Variants in FAM216B observed in about 807,000 individuals in gnomAD.
FAM216B encodes the protein protein FAM216B.
FAM216B carries 11 observed loss-of-function variants against 12.9 expected under a neutral mutation model. The ratio of observed to expected loss-of-function variants is 0.86; its 90% CI spans 0.54 to 1.42. FAM216B has a LOEUF of 1.42. Ranked by LOEUF, FAM216B falls within the 40% of genes most tolerant of loss-of-function variation. FAM216B has a pLI of 0.00. For synonymous variants in FAM216B, 52 were observed against 57.2 expected (o/e 0.91, Z 0.41); for missense variants, 167 against 162.9 (o/e 1.02, Z -0.14).
chr13:42,786,096 C>T (rs960133079), intron 2 of FAM216B, among the ~76,000 whole-genome samples: 6 of 152,062 alleles, frequency 3.9e-5, no homozygotes, highest in Admixed American at 1.3e-4. Context: ...CATCATCTTC[C>T]CCTAACAGTC....
intron 2 of FAM216B, among the ~76,000 whole-genome samples, chr13:42,784,780 G>A (rs1874016741): frequency 2.0e-5 from 3 of 151,434 alleles, no homozygotes; most frequent in Admixed American, 2.0e-4. Context: ...GTTGCAGTGA[G>A]CCGAGATCGC....
Position 42,786,746 on chromosome 13 carries a change from C to G in FAM216B, c.100-17C>G, listed in dbSNP as rs759266480. The G allele has an allele frequency of 2.5e-6, 4 of 1,613,338 alleles. No individual in the cohort carries two copies. In the South Asian group the frequency reaches 4.4e-5, roughly 18 times the overall value. On this transcript the variant is annotated splice_polypyrimidine_tract_variant and intron_variant, in intron 2 of 3. Coordinates refer to ENST00000313851, the MANE Select transcript of FAM216B (RefSeq NM_001318932.2). ...AACTCCACACACTCATCAAAATCAC[C>G]TGTTCTGTTCCAACAGGCCCTCAAC...
At chr13:42,785,190 C>T (rs1275398512) in intron 2 of FAM216B, among the ~76,000 whole-genome samples, 1 of 152,146 alleles carries the variant, frequency 6.6e-6, no homozygotes. Flanking sequence ...TTTAAAACAT[C>T]CACTTCAGAA....
chr13:42,788,828 T>C lies in FAM216B; in HGVS notation c.*38T>C. ...TTTTCAGAAACAGGAAGTTTGCCCA[T>C]GTATCCCTGGTATCTAGTGGGTGCT... On this transcript the variant is annotated 3_prime_UTR_variant, in exon 4 of 4. Transcript: ENST00000313851. 1 of 1,578,138 alleles carries C rather than the reference T, an allele frequency of 6.3e-7. No individual in the cohort carries two copies.
intron 3 of FAM216B, among the ~76,000 whole-genome samples, chr13:42,787,722 A>C (rs1464841073): frequency 6.6e-6 from 1 of 152,182 alleles, no homozygotes; most frequent in Non-Finnish European, 1.5e-5. Context: ...TGTTGTTTTT[A>C]TATTTACACA....
intron 2 of FAM216B, among the ~76,000 whole-genome samples, chr13:42,785,334 C>T (rs1435245116): frequency 6.6e-6 from 1 of 152,164 alleles, no homozygotes; most frequent in Non-Finnish European, 1.5e-5. Context: ...AGATTTCAGG[C>T]CCACACAAAA....
intron 2 of FAM216B, among the ~76,000 whole-genome samples, chr13:42,785,845 C>T (rs2875496): frequency 0.14 from 21,612 of 151,886 alleles, 1,609 homozygotes; most frequent in Middle Eastern, 0.19. Flanking sequence ...GCTGGAAAGG[C>T]GTGGGAAGCT....
In FAM216B at chr13:42,790,817, T is replaced by C. The variant is rs921037020; in HGVS notation, c.*2027T>C. ...CCTGGAGATCAGAGACTGTTTCACC[T>C]GAAATTGCTAGCACCTAGAATGGCC... On this transcript the variant is annotated 3_prime_UTR_variant, in exon 4 of 4. Transcript: ENST00000313851. The C allele has an allele frequency of 1.3e-5, 2 of 152,200 alleles. No individual in the cohort carries two copies. The highest frequency in any genetic ancestry group is 2.4e-5 in the African/African-American group (1 of 41,420). 9.4% of individuals were successfully genotyped at this position (152,200 alleles called of 1,614,324 possible).
intron 2 of FAM216B, among the ~76,000 whole-genome samples, chr13:42,785,036 A>G (rs1437559722): frequency 6.6e-6 from 1 of 152,112 alleles, no homozygotes; most frequent in Non-Finnish European, 1.5e-5. Context: ...TAAGATTTTT[A>G]TCTTCTATGG....
rs570428265 is a variant in FAM216B at position 42,783,002 on chromosome 13, A to AT, written c.-14-1052_-14-1051insT. ...TTACACACAATGTACACAGAAAAAA[A>AT]AAATAAATAAATAAAAGGAAAGTGA... On this transcript the variant is annotated intron_variant, in intron 1 of 3. Transcript: ENST00000313851. 4.6e-3 allele frequency among the ~76,000 whole-genome samples: 695 copies of AT among 152,216 alleles called. 4 individuals carry two copies. Among genetic ancestry groups the AT allele is most frequent in the South Asian group, 8.7e-3 (42 of 4,818 alleles).
intron 2 of FAM216B, among the ~76,000 whole-genome samples, chr13:42,784,920 A>G (rs146752295): frequency 6.6e-6 from 1 of 152,234 alleles, no homozygotes; most frequent in East Asian, 1.9e-4. Context: ...ACAACAAGGT[A>G]AAAATATTAG....
rs914984714 is a variant in FAM216B at position 42,789,503 on chromosome 13, G to C, written c.*713G>C. The C allele has an allele frequency of 2.0e-5, 3 of 152,186 alleles. No individual in the cohort carries two copies. The highest frequency in any genetic ancestry group is 7.2e-5 in the African/African-American group (3 of 41,434). The allele number at this position is 152,186 out of a possible 1,614,324, so 9.4% of individuals were successfully genotyped here. A position where few individuals can be genotyped will look rare whatever the true frequency, so the allele number is the denominator to read the frequency against. ...AATAACCCCGAAGACTTTATTTCAT[G>C]TCCAACCTTTCTGTGGCCTCAAATG... On this transcript the variant is annotated 3_prime_UTR_variant, in exon 4 of 4. Coordinates refer to ENST00000313851, the MANE Select transcript of FAM216B (RefSeq NM_001318932.2).
chr13:42,784,043 G>A lies in FAM216B; in HGVS notation c.-14-11G>A. The stretch of plus-strand genomic sequence containing the variant: ...AAGAAATTTTATGCTATGCTTTGTT[G>A]TTTCTTGGAGGTATAGGATAAACGA... On this transcript the variant is annotated splice_polypyrimidine_tract_variant and intron_variant, in intron 1 of 3. Transcript: ENST00000313851. The A allele has an allele frequency of 6.4e-7, 1 of 1,554,180 alleles. No homozygotes were observed. The highest frequency in any genetic ancestry group is 2.3e-5 in the East Asian group (1 of 44,228).
chr13:42,784,870 A>G (rs1446579917), intron 2 of FAM216B, among the ~76,000 whole-genome samples: 3 of 151,640 alleles, frequency 2.0e-5, no homozygotes, highest in Non-Finnish European at 4.4e-5. Flanking sequence ...AAATAAAAAA[A>G]AAATTTTCAG....
chr13:42,788,095 A>C (rs1370904398), intron 3 of FAM216B, among the ~76,000 whole-genome samples: 1 of 152,228 alleles, frequency 6.6e-6, no homozygotes, highest in Non-Finnish European at 1.5e-5. Flanking sequence ...GAAGTATTCA[A>C]TGCTTAGTGC....
chr13:42,785,708 A>G (rs1413694050), intron 2 of FAM216B, among the ~76,000 whole-genome samples: 1 of 152,226 alleles, frequency 6.6e-6, no homozygotes, highest in Non-Finnish European at 1.5e-5. Flanking sequence ...CCTTTAAGAA[A>G]GTAGCCTTCT....
At chr13:42,783,536 C>G (rs1222094250) in intron 1 of FAM216B, among the ~76,000 whole-genome samples, 1 of 151,942 alleles carries the variant, frequency 6.6e-6, no homozygotes, top group Admixed American at 6.6e-5. Context: ...ATGAACATAT[C>G]CTTTAAGCAT....
In FAM216B at chr13:42,781,894, T is replaced by C. The variant is rs189054435; in HGVS notation, c.-15+230T>C. Among the ~76,000 whole-genome samples the C allele has an allele frequency of 3.0e-4, 45 of 152,338 alleles. No individual in the cohort carries two copies. In the East Asian group the frequency reaches 8.7e-3, roughly 29 times the overall value. Reference sequence around the variant, plus strand: ...GCTATTTGAGGAGAGAAGAAATCTTTCCAGCTTGAAGCATATTTATTCTCT... The same window carrying C: ...GCTATTTGAGGAGAGAAGAAATCTTCCCAGCTTGAAGCATATTTATTCTCT... On this transcript the variant is annotated intron_variant, in intron 1 of 3. Transcript: ENST00000313851.
chr13:42,784,920 A>C (rs146752295), intron 2 of FAM216B, among the ~76,000 whole-genome samples: 2 of 152,116 alleles, frequency 1.3e-5, no homozygotes, highest in African/African-American at 4.8e-5. Context: ...ACAACAAGGT[A>C]AAAATATTAG....
Sources: allele counts gnomAD v4.1 joint callset (sites outside exome capture counted in the v4.1 genomes callset), GRCh38; gene constraint gnomAD v4.1.1; transcripts MANE v1.5; gene names NCBI Gene and HGNC (gene_info 2026-07-23, HGNC 2026-07-21).